The following NSMCE2 variants were observed in gnomAD, a reference collection of about 807,000 sequenced individuals.
NSMCE2 encodes NSE2 SUMO ligase component of SMC5/6 complex.
NSMCE2 carries 24 observed loss-of-function variants against 23.8 expected under a neutral mutation model. The observed-to-expected ratio is 1.01, with a 90% CI of 0.73 to 1.42. The LOEUF (loss-of-function observed/expected upper bound fraction) is 1.42. Ranked by LOEUF, NSMCE2 falls within the 40% of genes most tolerant of loss-of-function variation. The pLI, the probability that NSMCE2 is intolerant of heterozygous loss-of-function variation, is 0.00. For synonymous variants in NSMCE2, 92 were observed against 94.1 expected (o/e 0.98, Z 0.13); for missense variants, 284 against 296.5 (o/e 0.96, Z 0.31).
Position 125,234,679 on chromosome 8 carries a change from C to G in NSMCE2, c.418+52423C>G, listed in dbSNP as rs527743441. 5.3e-5 allele frequency among the ~76,000 whole-genome samples: 8 copies of G among 152,274 alleles called. No individual in the cohort carries two copies. In the South Asian group the frequency reaches 1.7e-3, roughly 32 times the overall value. ...ACCTGTAATGACTTTTCTTTCCCAT[C>G]AAACCAGTTATAAACTCTTAATGTT... On this transcript the variant is annotated intron_variant, in intron 5 of 7. Transcript: ENST00000287437.
At chr8:125,301,872 C>A (rs951364430) in intron 5 of NSMCE2, among the ~76,000 whole-genome samples, 3 of 152,154 alleles carry the variant, frequency 2.0e-5, no homozygotes, top group Non-Finnish European at 4.4e-5. Flanking sequence ...CCGTGTTGGC[C>A]AGACTGGTCT....
chr8:125,100,856 T>C (rs968153203), intron 1 of NSMCE2, among the ~76,000 whole-genome samples: 1 of 152,190 alleles, frequency 6.6e-6, no homozygotes, highest in Non-Finnish European at 1.5e-5. Flanking sequence ...CCATTGCGCC[T>C]GGCCAAAGGC....
At chr8:125,336,499 T>A (rs940445450) in intron 5 of NSMCE2, among the ~76,000 whole-genome samples, 1 of 152,180 alleles carries the variant, frequency 6.6e-6, no homozygotes, top group Admixed American at 6.5e-5. Context: ...GGATTGGTTA[T>A]ATGCAGAGTC....
intron 4 of NSMCE2, among the ~76,000 whole-genome samples, chr8:125,152,716 C>A (rs1295794494): frequency 6.6e-6 from 1 of 151,928 alleles, no homozygotes; most frequent in Admixed American, 6.6e-5. Flanking sequence ...TTTTTTTTCC[C>A]TATTAAACTC....
intron 3 of NSMCE2, among the ~76,000 whole-genome samples, chr8:125,140,724 T>C (rs1820326245): frequency 6.6e-6 from 1 of 152,158 alleles, no homozygotes; most frequent in Admixed American, 6.6e-5. Context: ...AGAGCTTTGG[T>C]ATTTGGTCAA....
intron 7 of NSMCE2, among the ~76,000 whole-genome samples, 156 bp downstream of exon 7, chr8:125,357,974 A>T (rs946225745): frequency 1.3e-5 from 2 of 152,204 alleles, no homozygotes; most frequent in African/African-American, 4.8e-5. Context: ...CTGGAAAAAC[A>T]ATACATGAGG....
At chr8:125,212,350 A>T (rs1405644573) in intron 5 of NSMCE2, among the ~76,000 whole-genome samples, 1 of 152,158 alleles carries the variant, frequency 6.6e-6, no homozygotes, top group Non-Finnish European at 1.5e-5. Flanking sequence ...CTCAAAAAAG[A>T]TGCCATTCTG....
chr8:125,330,298 C>T (rs1423213858), intron 5 of NSMCE2, among the ~76,000 whole-genome samples: 3 of 151,036 alleles, frequency 2.0e-5, no homozygotes, highest in African/African-American at 4.9e-5. Context: ...GCCTCAGCCT[C>T]CCAAGTAGCT....
At chr8:125,226,786 G>T (rs1341229113) in intron 5 of NSMCE2, among the ~76,000 whole-genome samples, 2 of 152,064 alleles carry the variant, frequency 1.3e-5, no homozygotes, top group African/African-American at 4.8e-5. Context: ...GGGAGAACAA[G>T]GAGGAAGACA....
intron 5 of NSMCE2, among the ~76,000 whole-genome samples, chr8:125,228,967 A>G (rs977118654): frequency 2.0e-5 from 3 of 152,206 alleles, no homozygotes; most frequent in Non-Finnish European, 4.4e-5. Flanking sequence ...TTTTTTCACT[A>G]TACCAGATTG....
At chr8:125,365,715 G>A (rs1163202006) in intron 7 of NSMCE2, among the ~76,000 whole-genome samples, 9 of 152,176 alleles carry the variant, frequency 5.9e-5, no homozygotes, top group Admixed American at 4.6e-4. Context: ...AAATTAGCCA[G>A]GCATGGTGGC....
intron 5 of NSMCE2, among the ~76,000 whole-genome samples, chr8:125,341,460 C>T (rs1373042353): frequency 6.6e-6 from 1 of 152,198 alleles, no homozygotes; most frequent in African/African-American, 2.4e-5. Flanking sequence ...AGGAGTCAGG[C>T]CCGTAGGCTT....
chr8:125,316,655 T>TTTCCTTCC (rs1050295668), intron 5 of NSMCE2, among the ~76,000 whole-genome samples: 28 of 71,536 alleles, frequency 3.9e-4, no homozygotes, highest in African/African-American at 8.9e-4. Flanking sequence ...TCTTTCCTTC[T>TTTCCTTCC]TTCCTTCCTT....
intron 5 of NSMCE2, among the ~76,000 whole-genome samples, chr8:125,334,042 A>G (rs1829984745): frequency 6.6e-6 from 1 of 152,040 alleles, no homozygotes; most frequent in Admixed American, 6.6e-5. Flanking sequence ...TAAACAGACA[A>G]AGTTGTCTGT....
chr8:125,267,005 T>TTC lies in NSMCE2; in HGVS notation c.418+84750_418+84751insCT, dbSNP rs1386505364. Among the ~76,000 whole-genome samples, 10 of 139,062 alleles carry TTC rather than the reference T, an allele frequency of 7.2e-5. No homozygotes were observed. The South Asian group carries it at 9.5e-4, about 13-fold the overall frequency. 91.2% of individuals were successfully genotyped at this position (139,062 alleles called of 152,430 possible). On this transcript the variant is annotated intron_variant, in intron 5 of 7. Coordinates refer to ENST00000287437, the MANE Select transcript of NSMCE2 (RefSeq NM_173685.4). Reference sequence around the variant, plus strand: ...AGCATAACTTTTCTTTTTTCTTTCTTTTTTTTTTTTTTTTTTTGAGACAGA... The same window carrying TTC: ...AGCATAACTTTTCTTTTTTCTTTCTTTCTTTTTTTTTTTTTTTTTGAGACAGA...
At chr8:125,325,144 C>T (rs1229231980) in intron 5 of NSMCE2, among the ~76,000 whole-genome samples, 2 of 152,030 alleles carry the variant, frequency 1.3e-5, no homozygotes, top group Non-Finnish European at 2.9e-5. Context: ...AAGCTACTTA[C>T]TTAAATGCTT....
chr8:125,252,821 T>C (rs1011258933), intron 5 of NSMCE2, among the ~76,000 whole-genome samples: 4 of 152,258 alleles, frequency 2.6e-5, no homozygotes, highest in Non-Finnish European at 4.4e-5. Context: ...TGAATGGTTA[T>C]CTGTTAGATG....
intron 5 of NSMCE2, among the ~76,000 whole-genome samples, chr8:125,298,302 G>C (rs1434955490): frequency 6.6e-6 from 1 of 152,180 alleles, no homozygotes; most frequent in Non-Finnish European, 1.5e-5. Context: ...GCCAGGCACT[G>C]TTGCAAGTAC....
chr8:125,167,140 G>A (rs1340171031), intron 4 of NSMCE2, among the ~76,000 whole-genome samples: 3 of 152,204 alleles, frequency 2.0e-5, no homozygotes, highest in African/African-American at 7.2e-5. Context: ...GTAGCTAACT[G>A]TTTCGATTCT....
Sources: allele counts gnomAD v4.1 joint callset (sites outside exome capture counted in the v4.1 genomes callset), GRCh38; gene constraint gnomAD v4.1.1; transcripts MANE v1.5; gene names NCBI Gene and HGNC (gene_info 2026-07-23, HGNC 2026-07-21).